Variants in PWWP2A observed in about 807,000 individuals in gnomAD.
The protein encoded by PWWP2A is PWWP domain-containing protein 2A.
A neutral mutation model predicts 48.5 loss-of-function variants in PWWP2A; 18 were observed. That is an observed-to-expected ratio of 0.37 (90% CI 0.26 to 0.55). The LOEUF (loss-of-function observed/expected upper bound fraction) is 0.55, where lower values mean the gene tolerates loss of function less well. Ranked by LOEUF, PWWP2A falls within the 20% of genes least tolerant of loss-of-function variation. The pLI, the probability that PWWP2A is intolerant of heterozygous loss-of-function variation, is 0.81. For missense variants in PWWP2A, 867 were observed against 976.4 expected (o/e 0.89, Z 1.49); for synonymous variants, 396 against 387.7 (o/e 1.02, Z -0.25).
the PWWP2A span, among the ~76,000 whole-genome samples, chr5:160,051,658 G>A: frequency 4.6e-5 from 7 of 152,178 alleles, no homozygotes; most frequent in African/African-American, 1.4e-4. Context: ...TAGGAGTAAA[G>A]AGAAATCAGA....
intron 2 of PWWP2A, among the ~76,000 whole-genome samples, chr5:160,068,166 G>GC (rs1425658913): frequency 6.6e-6 from 1 of 152,156 alleles, no homozygotes. Flanking sequence ...AGGTGACAGA[G>GC]CAAGCCTCCA....
rs1185711436 is a variant in PWWP2A, at chr5:160,092,025, T to TATATATATATATATATATAC, written c.*356_*357insGTATATATATATATATATAT. On this transcript the variant is annotated 3_prime_UTR_variant, in exon 2 of 2. Transcript: ENST00000307063. ...ATATACATACACGGATATATATATA[T>TATATATATATATATATATAC]ACACACACACACACGTATATATATG... 4.9e-5 allele frequency: 21 copies of TATATATATATATATATATAC among 430,410 alleles called. No individual in the cohort carries two copies. In the Admixed American group the frequency reaches 1.1e-3, roughly 22 times the overall value. The allele number at this position is 430,410 out of a possible 1,614,324, so 26.7% of individuals were successfully genotyped here. A position where few individuals can be genotyped will look rare whatever the true frequency, so the allele number is the denominator to read the frequency against.
intron 2 of PWWP2A, among the ~76,000 whole-genome samples, chr5:160,082,261 G>A (rs1453979174): frequency 2.0e-5 from 3 of 151,762 alleles, no homozygotes; most frequent in Non-Finnish European, 2.9e-5. Flanking sequence ...TGGCTAACAC[G>A]GTGAAACCCC....
chr5:160,105,184 G>C (rs1247349795), intron 1 of PWWP2A, among the ~76,000 whole-genome samples: 1 of 134,390 alleles, frequency 7.4e-6, no homozygotes, highest in Non-Finnish European at 1.5e-5. Flanking sequence ...GCTGCAGTAA[G>C]CTATGATCAT....
At chr5:160,100,107 C>A (rs1417615218) in intron 1 of PWWP2A, among the ~76,000 whole-genome samples, 3 of 151,570 alleles carry the variant, frequency 2.0e-5, no homozygotes. Flanking sequence ...TCGAGACCAG[C>A]CTGGCTAACA....
the PWWP2A span, among the ~76,000 whole-genome samples, chr5:160,050,079 T>C: frequency 6.7e-6 from 1 of 149,332 alleles, no homozygotes; most frequent in Non-Finnish European, 1.5e-5. Flanking sequence ...AGCCCAGGAG[T>C]TGGAGGCTGC....
Position 160,119,040 on chromosome 5 carries a change from GAGA to G in PWWP2A, c.346_348del (p.Ser116del), listed in dbSNP as rs748364926. On this transcript the variant is annotated inframe_deletion, in exon 1 of 2. Transcript: ENST00000307063. ...GGGGGCTGCTCCGGCGGCGATGCAG[GAGA>G]AGGTGGAAGTTCCGGCCCTCCCTGA... 1 of 1,595,482 alleles carries G rather than the reference GAGA, an allele frequency of 6.3e-7. No homozygotes were observed. The highest frequency in any genetic ancestry group is 2.3e-5 in the East Asian group (1 of 43,296).
In PWWP2A at chr5:160,093,695, G is replaced by A. The variant is rs1755321442; in HGVS notation, c.955C>T (p.Gln319Ter). Residue 319 changes from glutamine to a stop codon, truncating the protein, a stop_gained, in exon 2 of 2, where the codon CAA (glutamine) becomes TAA (stop). Coordinates refer to ENST00000307063, the MANE Select transcript of PWWP2A (RefSeq NM_001130864.2). LOFTEE classifies it high-confidence loss of function. This position sits in a 1 kb window ranked among gnomAD's most constrained non-coding sequence, Gnocchi z 5.8. ...TTTTTACATTTATCACACAGAACTTGCCTGGGTCGTAGTTTAATAGCATTC... is the reference window on the plus strand; with the variant it reads ...TTTTTACATTTATCACACAGAACTTACCTGGGTCGTAGTTTAATAGCATTC... Reference protein sequence around the residue: ...IMNAIKLRPRQVLCDKCKNSV... With the variant: ...IMNAIKLRPR The A allele has an allele frequency of 6.2e-7, 1 of 1,613,764 alleles. No homozygotes were observed.
downstream of PWWP2A, among the ~76,000 whole-genome samples, chr5:160,074,607 G>A (rs1459228941): frequency 6.6e-6 from 1 of 151,142 alleles, no homozygotes; most frequent in African/African-American, 2.4e-5. Context: ...TTAGCCAGGG[G>A]TGGTGGCGCA....
chr5:160,108,705 C>T (rs1275384779), intron 1 of PWWP2A: 1 of 575,806 alleles, frequency 1.7e-6, no homozygotes, highest in African/African-American at 1.9e-5. Flanking sequence ...TTAGTGAAAA[C>T]TGAAGTTTCC....
chr5:160,087,790 T>C (rs1308219267), downstream of PWWP2A, among the ~76,000 whole-genome samples: 1 of 152,128 alleles, frequency 6.6e-6, no homozygotes, highest in Non-Finnish European at 1.5e-5. Flanking sequence ...TTTCCATACA[T>C]GCCACAAGGA....
At chr5:160,101,206 T>G (rs1756247252) in intron 1 of PWWP2A, among the ~76,000 whole-genome samples, 1 of 151,976 alleles carries the variant, frequency 6.6e-6, no homozygotes, top group Non-Finnish European at 1.5e-5. Flanking sequence ...CAAAAATTAG[T>G]GGGCATGGTG....
chr5:160,092,124 T>C lies in PWWP2A; in HGVS notation c.*258A>G. 8.3e-7 allele frequency: 1 copy of C among 1,201,148 alleles called. No homozygotes were observed. Among genetic ancestry groups the C allele is most frequent in the Non-Finnish European group, 1.0e-6 (1 of 965,352 alleles). The allele number at this position is 1,201,148 out of a possible 1,614,324, so 74.4% of individuals were successfully genotyped here. On this transcript the variant is annotated 3_prime_UTR_variant, in exon 2 of 2. Coordinates refer to ENST00000307063, the MANE Select transcript of PWWP2A (RefSeq NM_001130864.2). The stretch of plus-strand genomic sequence containing the variant: ...ATTCAATTTCAGTTGAGGCTATGGC[T>C]CCTATGCCTTGGGATGGTTTCGAAC...
chr5:160,049,699 T>C, the PWWP2A span: 5 of 1,463,608 alleles, frequency 3.4e-6, no homozygotes, highest in Non-Finnish European at 4.5e-6. Context: ...TTTCCTTCTA[T>C]TCTTTGTGTT....
Position 160,111,973 on chromosome 5 carries a change from G to T in PWWP2A, c.584+6832C>A, listed in dbSNP as rs538256468. ...GAAACCCTGTCTCCACCAAAATGAC[G>T]CAAATTAGCCAGGCATGGTGGCATG... On this transcript the variant is annotated intron_variant, in intron 1 of 1. Transcript: ENST00000307063. 1.8e-4 allele frequency among the ~76,000 whole-genome samples: 27 copies of T among 151,834 alleles called. 1 individual carries two copies. The highest frequency in any genetic ancestry group is 5.2e-4 in the Admixed American group (8 of 15,242).
chr5:160,069,251 C>T (rs1445016219), intron 2 of PWWP2A, among the ~76,000 whole-genome samples: 1 of 151,756 alleles, frequency 6.6e-6, no homozygotes, highest in Non-Finnish European at 1.5e-5. Context: ...TGCCACTGCA[C>T]TCTAGCCTGG....
At chr5:160,087,744 TCA>T (rs1369312161), downstream of PWWP2A, among the ~76,000 whole-genome samples, 16 of 152,154 alleles carry the variant, frequency 1.1e-4, no homozygotes, top group African/African-American at 1.9e-4. Context: ...CACAAAAAAA[TCA>T]CAGTGCTCCA....
intron 1 of PWWP2A, chr5:160,108,401 T>C (rs1353511047): frequency 5.0e-6 from 2 of 399,590 alleles, no homozygotes; most frequent in East Asian, 7.1e-5. Context: ...AAAGCCTTTA[T>C]TGACATCTTG....
chr5:160,089,796 G>A (rs1407184848), downstream of PWWP2A: 1 of 985,250 alleles, frequency 1.0e-6, no homozygotes, highest in Non-Finnish European at 1.2e-6. Context: ...CCACTCCAAG[G>A]GGAAAAAATA....
Sources: allele counts gnomAD v4.1 joint callset (sites outside exome capture counted in the v4.1 genomes callset), GRCh38; gene constraint gnomAD v4.1.1; non-coding constraint Gnocchi (gnomAD v3.1); transcripts MANE v1.5; gene names NCBI Gene and HGNC (gene_info 2026-07-23, HGNC 2026-07-21).